Variants in SCN10A observed in about 807,000 individuals in gnomAD.
SCN10A encodes sodium voltage-gated channel alpha subunit 10, also known as sodium channel protein type 10 subunit alpha.
SCN10A carries 162 observed loss-of-function variants against 170.7 expected under a neutral mutation model. That is an observed-to-expected ratio of 0.95 (90% confidence interval 0.84 to 1.08). The LOEUF is 1.08. Ranked by LOEUF, SCN10A falls within the 50% of genes least tolerant of loss-of-function variation. SCN10A has a pLI of 0.00. For missense variants in SCN10A, 2,527 were observed against 2,436.9 expected (o/e 1.04, Z -0.78); for synonymous variants, 985 against 904.6 (o/e 1.09, Z -1.59).
intron 4 of SCN10A, among the ~76,000 whole-genome samples, chr3:38,775,545 T>C (rs2064062686): frequency 6.6e-6 from 1 of 152,186 alleles, no homozygotes; most frequent in Non-Finnish European, 1.5e-5. Flanking sequence ...ACATACCTTT[T>C]AAAGTCTGTT....
At chr3:38,781,169 T>C (rs2064134403) in intron 4 of SCN10A, among the ~76,000 whole-genome samples, 1 of 152,106 alleles carries the variant, frequency 6.6e-6, no homozygotes, top group Admixed American at 6.6e-5. Context: ...TGATGTGCGA[T>C]AAAAAGTGAA....
chr3:38,697,926 G>A lies in SCN10A; in HGVS notation c.5294C>T (p.Ser1765Leu), dbSNP rs369137515. Residue 1765 changes from serine (S) to leucine (L), a missense_variant, in exon 28 of 28, where the codon TCG (serine) becomes TTG (leucine). By Grantham distance (145) the Ser-to-Leu change is moderately radical. Coordinates refer to ENST00000449082, the MANE Select transcript of SCN10A (RefSeq NM_006514.4). ...ATQFITFSAL[S>L]DFADTLSGPL... ...ACCAGAGAGAGTGTCTGCAAAGTCC[G>A]AGAGAGCAGAAAAGGTAATAAACTG... is the stretch of plus-strand genomic sequence containing the variant. 118 of 1,613,970 alleles carry A rather than the reference G, an allele frequency of 7.3e-5. 1 individual carries two copies. The highest frequency in any genetic ancestry group is 8.8e-5 in the Non-Finnish European group (104 of 1,180,012).
At chr3:38,700,641 A>G (rs547895473) in intron 27 of SCN10A, among the ~76,000 whole-genome samples, 1 of 152,338 alleles carries the variant, frequency 6.6e-6, no homozygotes, top group Admixed American at 6.5e-5. Flanking sequence ...AGCAATATCA[A>G]AATAAAACAA....
chr3:38,728,518 C>T (rs747896126), intron 16 of SCN10A, 24 bp downstream of exon 16: 12 of 1,531,714 alleles, frequency 7.8e-6, no homozygotes, highest in Non-Finnish European at 1.1e-5. Context: ...GGAGACAGTG[C>T]CCCCAGCAGG....
chr3:38,804,912 T>C (rs2064396249), intron 1 of SCN10A, among the ~76,000 whole-genome samples: 1 of 152,156 alleles, frequency 6.6e-6, no homozygotes, highest in Non-Finnish European at 1.5e-5. Flanking sequence ...GTCAGTGTCA[T>C]AGAAACAGCA....
intron 1 of SCN10A, among the ~76,000 whole-genome samples, chr3:38,810,348 A>G (rs1412432053): frequency 6.6e-6 from 1 of 152,192 alleles, no homozygotes; most frequent in Non-Finnish European, 1.5e-5. Flanking sequence ...ATTCCAGGGA[A>G]GCAAAGGATA....
chr3:38,699,384 G>A (rs1278010077), intron 27 of SCN10A, among the ~76,000 whole-genome samples: 1 of 152,022 alleles, frequency 6.6e-6, no homozygotes, highest in African/African-American at 2.4e-5. Flanking sequence ...TGGTCTTGGG[G>A]ACCTGGGGAG....
Position 38,698,453 on chromosome 3 carries a change from C to T in SCN10A, c.4767G>A (p.Ala1589=), listed in dbSNP as rs768006927. 4.9e-5 allele frequency: 79 copies of T among 1,614,026 alleles called. No homozygotes were observed. Among genetic ancestry groups the T allele is most frequent in the Middle Eastern group, 1.6e-4 (1 of 6,084 alleles). ...RIGRILRLIR[A]AKGIRTLLFA... is the part of the protein sequence containing the mutation. ...AGAGCAGTGTGCGGATCCCCTTGGC[C>T]GCTCGGATCAGTCTGAGGATGCGGC... Residue 1589 remains alanine (A), a synonymous_variant, in exon 28 of 28, where the codon GCG becomes GCA. Transcript: ENST00000449082.
At chr3:38,708,055 G>C (rs997713363) in intron 25 of SCN10A, among the ~76,000 whole-genome samples, 1 of 152,126 alleles carries the variant, frequency 6.6e-6, no homozygotes, top group African/African-American at 2.4e-5. Context: ...TTAGCTTCCT[G>C]ACATAATTTG....
intron 1 of SCN10A, among the ~76,000 whole-genome samples, chr3:38,794,516 C>G (rs1044773741): frequency 2.0e-5 from 3 of 152,192 alleles, no homozygotes; most frequent in Non-Finnish European, 4.4e-5. Context: ...ATTTGGACCT[C>G]CAAGTTACTG....
At chr3:38,746,807 C>T (rs1228633124) in intron 13 of SCN10A, among the ~76,000 whole-genome samples, 3 of 152,188 alleles carry the variant, frequency 2.0e-5, no homozygotes, top group Non-Finnish European at 2.9e-5. Flanking sequence ...CTTTAAGGCA[C>T]TCACCACTCC....
In SCN10A at chr3:38,750,183, G is replaced by A. The variant is rs781437757; in HGVS notation, c.1757C>T (p.Ala586Val). The change falls in exon 13 of 28, where the codon GCA (alanine) becomes GTA (valine). Residue 586 changes from alanine to valine, a missense_variant and splice_region_variant. Ala to Val is a moderately conservative substitution (Grantham distance 64, BLOSUM62 0). Coordinates refer to ENST00000449082, the MANE Select transcript of SCN10A (RefSeq NM_006514.4). ...ELAPGAVDVS[A>V]FDAGQKKTFL... ...AGTCTTCTTTTGTCCTGCATCGAAT[G>A]CCTGTTGAGACACAAACAGAGTCAG... is the stretch of plus-strand genomic sequence containing the variant. 2 of 1,595,784 alleles carry A rather than the reference G, an allele frequency of 1.3e-6. No homozygotes were observed. The highest frequency in any genetic ancestry group is 2.2e-5 in the South Asian group (2 of 90,144).
chr3:38,810,901 A>G (rs979727271), intron 1 of SCN10A, among the ~76,000 whole-genome samples: 2 of 152,256 alleles, frequency 1.3e-5, no homozygotes, highest in African/African-American at 4.8e-5. Flanking sequence ...ATTTGATTGC[A>G]TCTAAAGTTT....
intron 11 of SCN10A, among the ~76,000 whole-genome samples, chr3:38,752,931 C>G (rs1345547153): frequency 6.6e-6 from 1 of 152,188 alleles, no homozygotes; most frequent in Non-Finnish European, 1.5e-5. Context: ...CTGGAACATA[C>G]TTGGTAAGTG....
intron 20 of SCN10A, among the ~76,000 whole-genome samples, chr3:38,720,449 G>A (rs1196497460): frequency 3.3e-5 from 5 of 152,166 alleles, no homozygotes; most frequent in Non-Finnish European, 7.3e-5. Flanking sequence ...TTGAGTGATA[G>A]GGAAATGGAT....
Position 38,697,559 on chromosome 3 carries a change from T to A in SCN10A, c.5661A>T (p.Ala1887=), listed in dbSNP as rs781131021. The A allele has an allele frequency of 6.2e-7, 1 of 1,614,214 alleles. No homozygotes were observed. The highest frequency in any genetic ancestry group is 8.5e-7 in the Non-Finnish European group (1 of 1,180,040). Residue 1887 remains alanine (A), a synonymous_variant, in exon 28 of 28, where the codon GCA becomes GCT. Transcript: ENST00000449082. ...PCVPRAEEEA[A]SLPDEGFVAF... is the part of the protein sequence containing the mutation. ...CAACAAAACCTTCATCTGGGAGTGA[T>A]GCAGCCTCCTCCTCAGCTCTGGGCA... is the stretch of plus-strand genomic sequence containing the variant.
At chr3:38,782,883 C>G (rs1345959663) in intron 4 of SCN10A, among the ~76,000 whole-genome samples, 2 of 151,988 alleles carry the variant, frequency 1.3e-5, no homozygotes, top group Non-Finnish European at 2.9e-5. Context: ...TATTAGTCAG[C>G]CTTTGTTGCC....
intron 20 of SCN10A, among the ~76,000 whole-genome samples, chr3:38,721,485 G>T (rs944136753): frequency 6.6e-6 from 1 of 152,220 alleles, no homozygotes; most frequent in Non-Finnish European, 1.5e-5. Flanking sequence ...GAGTAGTTGA[G>T]ATTGTGTAAG....
chr3:38,772,334 A>AAAG (rs777963398), intron 4 of SCN10A, among the ~76,000 whole-genome samples: 18 of 151,066 alleles, frequency 1.2e-4, no homozygotes, highest in South Asian at 4.2e-4. Flanking sequence ...AAAAAAAAAA[A>AAAG]AAAAGAAAAG....
Sources: gnomAD v4.1 joint callset for allele counts (sites outside exome capture counted in the v4.1 genomes callset) on GRCh38, gnomAD v4.1.1 for gene constraint, MANE v1.5 for transcripts, NCBI Gene and HGNC (gene_info 2026-07-23, HGNC 2026-07-21) for gene names.